The following SCAPER variants were observed in gnomAD, a reference collection of about 807,000 sequenced individuals.
SCAPER encodes S phase cyclin A-associated protein in the endoplasmic reticulum.
Under a neutral mutation model 182.2 loss-of-function variants are expected in SCAPER, and 98 were observed. That is an observed-to-expected ratio of 0.54 (90% CI 0.46 to 0.64). The LOEUF is 0.64. Ranked by LOEUF, SCAPER falls within the 30% of genes least tolerant of loss-of-function variation. The probability of loss-of-function intolerance (pLI) is 0.00; values close to 1 mark genes in which losing one functional copy is unlikely to be tolerated. For missense variants in SCAPER, 1,432 were observed against 1,690.0 expected (o/e 0.85, Z 2.68); for synonymous variants, 605 against 564.6 (o/e 1.07, Z -1.01).
intron 22 of SCAPER, 140 bp downstream of exon 22, chr15:76,621,624 G>T: frequency 4.3e-6 from 3 of 702,566 alleles, no homozygotes; most frequent in Non-Finnish European, 7.0e-6. Context: ...TCCTCTAGTT[G>T]GATACTACTG....
intron 23 of SCAPER, among the ~76,000 whole-genome samples, chr15:76,530,770 G>A (rs1236012486): frequency 6.6e-6 from 1 of 152,058 alleles, no homozygotes; most frequent in Non-Finnish European, 1.5e-5. Context: ...ACAATTTACA[G>A]TGCTGAGGAA....
At chr15:76,866,246 TGTGTGTGTGTGTGC>T (rs1363899660) in intron 2 of SCAPER, among the ~76,000 whole-genome samples, 3 of 152,002 alleles carry the variant, frequency 2.0e-5, no homozygotes, top group African/African-American at 7.2e-5. Context: ...ACACTGAGTG[TGTGTGTGTGTGTGC>T]GTGTGTGTGT....
intron 23 of SCAPER, among the ~76,000 whole-genome samples, chr15:76,552,425 A>G (rs560598): frequency 0.97 from 147,552 of 152,162 alleles, 71,686 homozygotes; most frequent in South Asian, 1. Flanking sequence ...GAGAGTGGAT[A>G]GATGGAGGAT....
chr15:76,537,035 G>C (rs896202228), intron 23 of SCAPER, among the ~76,000 whole-genome samples: 2 of 152,122 alleles, frequency 1.3e-5, no homozygotes, highest in African/African-American at 4.8e-5. Context: ...TCTTCAAGGA[G>C]AACTGCAAAC....
intron 21 of SCAPER, among the ~76,000 whole-genome samples, chr15:76,658,447 T>C (rs544407068): frequency 6.6e-6 from 1 of 152,260 alleles, no homozygotes; most frequent in African/African-American, 2.4e-5. Flanking sequence ...TCCATGCTCA[T>C]GGAGAGAAAG....
At chr15:76,563,797 A>G (rs1181440203) in intron 23 of SCAPER, among the ~76,000 whole-genome samples, 1 of 152,234 alleles carries the variant, frequency 6.6e-6, no homozygotes, top group Non-Finnish European at 1.5e-5. Context: ...GCAACACATC[A>G]AAAAGCTTAT....
intron 22 of SCAPER, among the ~76,000 whole-genome samples, chr15:76,584,558 T>G (rs2048494339): frequency 6.6e-6 from 1 of 152,134 alleles, no homozygotes; most frequent in Non-Finnish European, 1.5e-5. Flanking sequence ...CCACAAAAAT[T>G]AAATATAAAA....
intron 25 of SCAPER, among the ~76,000 whole-genome samples, chr15:76,434,774 C>T (rs528952425): frequency 2.0e-5 from 3 of 152,136 alleles, no homozygotes; most frequent in South Asian, 4.1e-4. Flanking sequence ...TTTCCTACTA[C>T]AAAATGGCAA....
intron 21 of SCAPER, among the ~76,000 whole-genome samples, chr15:76,631,607 C>T (rs564377565): frequency 3.3e-5 from 5 of 152,252 alleles, no homozygotes; most frequent in African/African-American, 4.8e-5. Flanking sequence ...ATGATGAATA[C>T]TGACCCCCAA....
chr15:76,586,186 G>T (rs1447803023), intron 22 of SCAPER, among the ~76,000 whole-genome samples: 1 of 152,098 alleles, frequency 6.6e-6, no homozygotes, highest in Non-Finnish European at 1.5e-5. Context: ...GCATGGGGTG[G>T]TGGGGTGGTC....
At chr15:76,730,971 T>C (rs1318284452) in intron 16 of SCAPER, among the ~76,000 whole-genome samples, 1 of 152,138 alleles carries the variant, frequency 6.6e-6, no homozygotes, top group African/African-American at 2.4e-5. Flanking sequence ...TTTTAATAAC[T>C]TGAAAAGAGA....
At chr15:76,566,506 T>C (rs2047047710) in intron 23 of SCAPER, among the ~76,000 whole-genome samples, 2 of 152,138 alleles carry the variant, frequency 1.3e-5, no homozygotes, top group South Asian at 2.1e-4. Flanking sequence ...AGTAACAGCA[T>C]ACACATGTCT....
chr15:76,621,366 C>T (rs1394469237), intron 22 of SCAPER, among the ~76,000 whole-genome samples: 1 of 152,142 alleles, frequency 6.6e-6, no homozygotes, highest in East Asian at 1.9e-4. Context: ...GAGGAACAAT[C>T]CTTAAAGAGA....
At chr15:76,760,204 T>A (rs906454284) in intron 14 of SCAPER, among the ~76,000 whole-genome samples, 10 of 152,186 alleles carry the variant, frequency 6.6e-5, no homozygotes, top group South Asian at 2.1e-4. Context: ...CAACTTCAGA[T>A]GCTAATCACA....
At chr15:76,542,691 A>G (rs1177629234) in intron 23 of SCAPER, among the ~76,000 whole-genome samples, 1 of 152,086 alleles carries the variant, frequency 6.6e-6, no homozygotes, top group Non-Finnish European at 1.5e-5. Context: ...AAGGAAGACT[A>G]TATAAGAAGA....
At chr15:76,499,264 G>C (rs979801854) in intron 24 of SCAPER, among the ~76,000 whole-genome samples, 1 of 152,218 alleles carries the variant, frequency 6.6e-6, no homozygotes, top group Non-Finnish European at 1.5e-5. Flanking sequence ...ACTGATGATG[G>C]AGGGTAAGTT....
Position 76,733,358 on chromosome 15 carries a change from G to A in SCAPER, c.1893C>T (p.Thr631=). The A allele has an allele frequency of 6.2e-7, 1 of 1,613,080 alleles. No individual in the cohort carries two copies. Among genetic ancestry groups the A allele is most frequent in the African/African-American group, 1.3e-5 (1 of 74,884 alleles). Residue 631 remains threonine (T), a synonymous_variant, in exon 16 of 32, where the codon ACC becomes ACT. Transcript: ENST00000563290. ...AKVNEIAFIN[T]LEAQNKRHDV... ...CATGACGTTTATTCTGGGCTTCAAG[G>A]GTATTTATAAAGGCAATTTCATTTA... is the stretch of plus-strand genomic sequence containing the variant.
At chr15:76,637,578 T>C (rs2053709785) in intron 21 of SCAPER, among the ~76,000 whole-genome samples, 1 of 151,774 alleles carries the variant, frequency 6.6e-6, no homozygotes, top group Admixed American at 6.6e-5. Flanking sequence ...TGGTGGTGCG[T>C]GCCTGTAGTC....
chr15:76,845,383 G>A (rs1197110261), intron 4 of SCAPER, among the ~76,000 whole-genome samples: 1 of 152,044 alleles, frequency 6.6e-6, no homozygotes, highest in Non-Finnish European at 1.5e-5. Context: ...AGAGCAATCA[G>A]ACATGAGAAA....
Sources: gnomAD v4.1 joint callset for allele counts (sites outside exome capture counted in the v4.1 genomes callset) on GRCh38, gnomAD v4.1.1 for gene constraint, MANE v1.5 for transcripts, NCBI Gene and HGNC (gene_info 2026-07-23, HGNC 2026-07-21) for gene names.